The following R3HDM2 variants were observed in gnomAD, a reference collection of about 807,000 sequenced individuals.
R3HDM2 encodes R3H domain-containing protein 2.
A neutral mutation model predicts 124.5 loss-of-function variants in R3HDM2; 38 were observed. That is an observed-to-expected ratio of 0.31 (90% CI 0.24 to 0.40). The LOEUF (loss-of-function observed/expected upper bound fraction) is 0.40, where lower values mean the gene tolerates loss of function less well. Ranked by LOEUF, R3HDM2 falls within the 10% of genes least tolerant of loss-of-function variation. The probability of loss-of-function intolerance (pLI) is 1.00; values close to 1 mark genes in which losing one functional copy is unlikely to be tolerated. For missense variants in R3HDM2, 869 were observed against 1,236.9 expected, an observed-to-expected ratio of 0.70 and a Z score of 4.46; for synonymous variants, 391 against 448.0, an observed-to-expected ratio of 0.87 and a Z score of 1.61.
At chr12:57,277,096 G>T (rs988845493) in intron 14 of R3HDM2, among the ~76,000 whole-genome samples, 1 of 72,280 alleles carries the variant, frequency 1.4e-5, no homozygotes, top group African/African-American at 5.3e-5. Context: ...AATAAATAAT[G>T]AACAAAAAAA....
chr12:57,258,816 T>G, intron 20 of R3HDM2, 74 bp downstream of exon 20: 1 of 1,344,284 alleles, frequency 7.4e-7, no homozygotes, highest in East Asian at 2.7e-5. Flanking sequence ...GGCTGCTCAG[T>G]CAATAGCAAA....
intron 2 of R3HDM2, among the ~76,000 whole-genome samples, chr12:57,371,148 A>G (rs2063332402): frequency 7.3e-6 from 1 of 136,176 alleles, no homozygotes; most frequent in African/African-American, 2.8e-5. Flanking sequence ...CACCCAACAA[A>G]CTAGGGCAGG....
chr12:57,257,279 G>A (rs950396009), intron 21 of R3HDM2, among the ~76,000 whole-genome samples: 1 of 152,082 alleles, frequency 6.6e-6, no homozygotes, highest in African/African-American at 2.4e-5. Context: ...ATGATCTAAC[G>A]TTGGGTATTT....
At chr12:57,268,668 G>T in intron 17 of R3HDM2, 1 of 695,454 alleles carries the variant, frequency 1.4e-6, no homozygotes, top group Non-Finnish European at 2.3e-6. Context: ...CTGACATAAA[G>T]AAAGGAGCCT....
intron 2 of R3HDM2, among the ~76,000 whole-genome samples, chr12:57,343,947 C>G (rs1251308207): frequency 6.6e-6 from 1 of 151,958 alleles, no homozygotes; most frequent in African/African-American, 2.4e-5. Flanking sequence ...TGTTTTTGAC[C>G]TTTATTTATT....
At chr12:57,351,068 C>G (rs975912515) in intron 2 of R3HDM2, among the ~76,000 whole-genome samples, 2 of 152,040 alleles carry the variant, frequency 1.3e-5, no homozygotes, top group Non-Finnish European at 2.9e-5. Flanking sequence ...TGCCACTGTA[C>G]TCTAGCCTGG....
chr12:57,284,755 G>A (rs570071440), intron 12 of R3HDM2, among the ~76,000 whole-genome samples: 11 of 152,310 alleles, frequency 7.2e-5, no homozygotes, highest in African/African-American at 2.2e-4. Flanking sequence ...TCAGGATGGC[G>A]AAGAGCAGGG....
chr12:57,267,581 T>C (rs1267224830), intron 18 of R3HDM2, among the ~76,000 whole-genome samples: 1 of 151,678 alleles, frequency 6.6e-6, no homozygotes, highest in Non-Finnish European at 1.5e-5. Context: ...CAAAAACAAA[T>C]ATAGTCACAT....
intron 1 of R3HDM2, among the ~76,000 whole-genome samples, chr12:57,404,774 C>T (rs937222897): frequency 6.6e-6 from 1 of 152,020 alleles, no homozygotes; most frequent in African/African-American, 2.4e-5. Flanking sequence ...AATCCCCATA[C>T]TTTGAGGCTG....
At chr12:57,308,347 C>A (rs760645209) in intron 3 of R3HDM2, among the ~76,000 whole-genome samples, 1 of 151,786 alleles carries the variant, frequency 6.6e-6, no homozygotes, top group East Asian at 1.9e-4. Flanking sequence ...TGAGCCACTG[C>A]GCCCGGCCTG....
At chr12:57,346,839 A>T (rs1334994128) in intron 2 of R3HDM2, among the ~76,000 whole-genome samples, 1 of 152,228 alleles carries the variant, frequency 6.6e-6, no homozygotes, top group Non-Finnish European at 1.5e-5. Flanking sequence ...TAATGTATGT[A>T]GATGTAACAG....
At chr12:57,421,983 C>T (rs2070251051) in intron 1 of R3HDM2, among the ~76,000 whole-genome samples, 1 of 151,272 alleles carries the variant, frequency 6.6e-6, no homozygotes, top group Admixed American at 6.6e-5. Context: ...GTAATCCCAG[C>T]TACTCAGGAT....
chr12:57,418,824 A>C (rs2069905145), intron 1 of R3HDM2, among the ~76,000 whole-genome samples: 1 of 152,072 alleles, frequency 6.6e-6, no homozygotes, highest in South Asian at 2.1e-4. Context: ...TAACCTCCCA[A>C]AGTCCTGGGA....
chr12:57,333,169 T>C (rs1397530595), intron 2 of R3HDM2, among the ~76,000 whole-genome samples: 1 of 151,928 alleles, frequency 6.6e-6, no homozygotes, highest in Non-Finnish European at 1.5e-5. Context: ...CTGAGCTCAG[T>C]GAAATATCCC....
intron 1 of R3HDM2, among the ~76,000 whole-genome samples, chr12:57,426,736 A>G (rs1160771108): frequency 2.0e-5 from 3 of 152,182 alleles, no homozygotes; most frequent in African/African-American, 7.2e-5. Flanking sequence ...TTTTCATTCA[A>G]TGGCCCCAAA....
chr12:57,270,463 C>CT (rs1198758314), intron 14 of R3HDM2, among the ~76,000 whole-genome samples: 1 of 150,652 alleles, frequency 6.6e-6, no homozygotes, highest in African/African-American at 2.5e-5. Context: ...AGTTTTGGTT[C>CT]TTGTTGCCCA....
intron 1 of R3HDM2, chr12:57,430,489 G>GCCCCCCCCCCCC: frequency 2.5e-6 from 2 of 790,572 alleles, no homozygotes; most frequent in Non-Finnish European, 3.1e-6. Flanking sequence ...CCACCCCCCT[G>GCCCCCCCCCCCC]CCCCCGCACC....
intron 14 of R3HDM2, among the ~76,000 whole-genome samples, chr12:57,275,675 T>C (rs1160625873): frequency 6.6e-6 from 1 of 152,058 alleles, no homozygotes; most frequent in Non-Finnish European, 1.5e-5. Flanking sequence ...GAATAGACAA[T>C]TCTCAAAAGA....
At chr12:57,430,652 C>A in intron 1 of R3HDM2, 68 bp downstream of exon 1, 1 of 925,134 alleles carries the variant, frequency 1.1e-6, no homozygotes, top group Non-Finnish European at 1.3e-6. Context: ...CCCGCCCGTG[C>A]GGCCGCCACG....
Sources: gnomAD v4.1 joint callset for allele counts (sites outside exome capture counted in the v4.1 genomes callset) on GRCh38, gnomAD v4.1.1 for gene constraint, MANE v1.5 for transcripts, NCBI Gene and HGNC (gene_info 2026-07-23, HGNC 2026-07-21) for gene names.